Variants in SCN1A observed in about 807,000 individuals in gnomAD.
SCN1A encodes sodium channel protein type 1 subunit alpha.
SCN1A carries 13 observed loss-of-function variants against 193.7 expected under a neutral mutation model. The ratio of observed to expected loss-of-function variants is 0.07; its 90% CI spans 0.04 to 0.11. SCN1A has a LOEUF of 0.11. SCN1A is among the 10% of genes least tolerant of loss of function. The probability of loss-of-function intolerance (pLI) is 1.00; values close to 1 mark genes in which losing one functional copy is unlikely to be tolerated. For missense variants in SCN1A, 1,432 were observed against 2,451.1 expected (o/e 0.58, Z 8.78); for synonymous variants, 781 against 843.6 (o/e 0.93, Z 1.29).
chr2:166,125,809 A>G (rs1344277480), intron 2 of SCN1A, among the ~76,000 whole-genome samples: 2 of 152,024 alleles, frequency 1.3e-5, no homozygotes, highest in Non-Finnish European at 2.9e-5. Context: ...TAGATGGACA[A>G]TCCCTCCTGC....
chr2:166,072,340 G>T (rs1385752375), intron 4 of SCN1A, among the ~76,000 whole-genome samples: 1 of 152,042 alleles, frequency 6.6e-6, no homozygotes, highest in Non-Finnish European at 1.5e-5. Context: ...GTTTTGGTTT[G>T]GTGAAATGAC....
At chr2:166,093,261 T>C (rs1687017926) in intron 2 of SCN1A, among the ~76,000 whole-genome samples, 1 of 152,022 alleles carries the variant, frequency 6.6e-6, no homozygotes, top group South Asian at 2.1e-4. Context: ...TGTTGATATG[T>C]TTCTGGACTT....
chr2:166,046,682 A>G (rs959787631), intron 12 of SCN1A, 88 bp downstream of exon 12: 1 of 1,246,026 alleles, frequency 8.0e-7, no homozygotes, highest in East Asian at 2.3e-5. Context: ...TCATACAACC[A>G]CCTGCTCTTA....
rs750260160 is a variant in SCN1A, at chr2:166,042,390, C to A, written c.2078G>T (p.Arg693Met). 5.6e-6 allele frequency: 9 copies of A among 1,613,670 alleles called. No homozygotes were observed. Among genetic ancestry groups the A allele is most frequent in the Non-Finnish European group, 7.6e-6 (9 of 1,179,848 alleles). Residue 693 changes from arginine to methionine, a missense_variant, in exon 15 of 29, where the codon AGG (arginine) becomes ATG (methionine). Arg to Met is a moderately conservative substitution (Grantham distance 91, BLOSUM62 -1). Coordinates refer to ENST00000674923, the MANE Select transcript of SCN1A (RefSeq NM_001165963.4). ...TTTETEMRKR[R>M]SSSFHVSMDF... ...CATGGAAACGTGGAAAGAACTTGAC[C>A]TTCTCTTTCTCATTTCAGTTTCAGT...
At chr2:166,129,677 AG>A (rs1691569456), upstream of SCN1A, among the ~76,000 whole-genome samples, 1 of 152,212 alleles carries the variant, frequency 6.6e-6, no homozygotes, top group South Asian at 2.1e-4. Context: ...ATGAACTAAC[AG>A]GCAATTTTTT....
intron 2 of SCN1A, among the ~76,000 whole-genome samples, chr2:166,094,389 G>A (rs573728541): frequency 1.4e-4 from 21 of 152,254 alleles, no homozygotes; most frequent in African/African-American, 5.1e-4. Context: ...AAGTTTTAGT[G>A]TAGTTGATAG....
At chr2:166,090,668 G>A (rs1407119131) in intron 2 of SCN1A, among the ~76,000 whole-genome samples, 4 of 151,930 alleles carry the variant, frequency 2.6e-5, no homozygotes, top group Non-Finnish European at 5.9e-5. Flanking sequence ...CTATACATTC[G>A]CCACAAACTT....
intron 1 of SCN1A, among the ~76,000 whole-genome samples, chr2:166,143,763 T>C (rs1296748978): frequency 6.6e-6 from 1 of 152,246 alleles, no homozygotes; most frequent in South Asian, 2.1e-4. Context: ...GGTAAAAATT[T>C]GTTTGGCTTT....
intron 2 of SCN1A, chr2:166,092,456 T>G (rs148707575): frequency 6.6e-6 from 1 of 152,292 alleles, no homozygotes; most frequent in East Asian, 1.9e-4. Flanking sequence ...TTCATGCAGG[T>G]ATTGGTTTGT....
At chr2:166,049,319 T>G (rs893016300) in intron 9 of SCN1A, among the ~76,000 whole-genome samples, 13 of 152,048 alleles carry the variant, frequency 8.5e-5, no homozygotes, top group African/African-American at 3.1e-4. Flanking sequence ...AAAAAATTCA[T>G]TCAGTAAAAA....
At chr2:166,012,608 T>C (rs1692654246) in intron 21 of SCN1A, among the ~76,000 whole-genome samples, 1 of 137,914 alleles carries the variant, frequency 7.3e-6, no homozygotes, top group African/African-American at 2.7e-5. Context: ...CTTCCTTCTA[T>C]TGGCTTTTTT....
At chr2:166,148,852 A>G (rs1199380297) in intron 1 of SCN1A, among the ~76,000 whole-genome samples, 10 of 152,194 alleles carry the variant, frequency 6.6e-5, no homozygotes, top group Non-Finnish European at 1.5e-5. Flanking sequence ...ATGTCCGATA[A>G]GCAAATTTGA....
chr2:166,132,140 T>A (rs964429084), upstream of SCN1A, among the ~76,000 whole-genome samples: 5 of 152,136 alleles, frequency 3.3e-5, no homozygotes, highest in Admixed American at 6.6e-5. Flanking sequence ...AGTCTAGATG[T>A]TAGCAGGTCT....
intron 2 of SCN1A, among the ~76,000 whole-genome samples, chr2:166,091,748 C>G (rs910047526): frequency 1.3e-5 from 2 of 152,190 alleles, no homozygotes; most frequent in African/African-American, 4.8e-5. Flanking sequence ...ATGAAATCAA[C>G]TAAACGTCTT....
chr2:166,146,446 G>A lies in SCN1A; in HGVS notation c.-50+2601C>T, dbSNP rs562415783. ...ATAGCGGAGCTAATCTAGGTCAGTG[G>A]TTCTCAAATGAGGAGGAGGTCAGTT... On this transcript the variant is annotated intron_variant, in intron 1 of 26. Transcript: ENST00000635750. Among the ~76,000 whole-genome samples the A allele has an allele frequency of 3.9e-5, 6 of 152,272 alleles. No homozygotes were observed. The South Asian group carries it at 1.2e-3, about 32-fold the overall frequency.
At chr2:166,081,909 A>G (rs1685571945) in intron 2 of SCN1A, among the ~76,000 whole-genome samples, 2 of 152,028 alleles carry the variant, frequency 1.3e-5, no homozygotes, top group Admixed American at 6.6e-5. Context: ...GAAAAAAATT[A>G]CTAACCAATT....
chr2:166,090,667 C>T (rs1021738316), intron 2 of SCN1A, among the ~76,000 whole-genome samples: 3 of 152,192 alleles, frequency 2.0e-5, no homozygotes, highest in Admixed American at 2.0e-4. Flanking sequence ...ACTATACATT[C>T]GCCACAAACT....
At chr2:166,037,192 A>T (rs367629377) in intron 18 of SCN1A, among the ~76,000 whole-genome samples, 2 of 152,312 alleles carry the variant, frequency 1.3e-5, no homozygotes, top group South Asian at 2.1e-4. Flanking sequence ...TTACTCCATT[A>T]TGGTAATCTC....
At chr2:166,035,958 C>A (rs971027135) in intron 19 of SCN1A, 90 bp downstream of exon 19, 3 of 1,350,214 alleles carry the variant, frequency 2.2e-6, no homozygotes, top group Non-Finnish European at 2.1e-6. Context: ...AATCTTAAGT[C>A]AAAACATCAT....
Sources: gnomAD v4.1 joint callset for allele counts (sites outside exome capture counted in the v4.1 genomes callset) on GRCh38, gnomAD v4.1.1 for gene constraint, MANE v1.5 for transcripts, NCBI Gene and HGNC (gene_info 2026-07-23, HGNC 2026-07-21) for gene names.